The following AADAT variants were observed in gnomAD, a reference collection of about 807,000 sequenced individuals.
AADAT encodes the protein aminoadipate aminotransferase, also known as kynurenine/alpha-aminoadipate aminotransferase, mitochondrial.
AADAT carries 25 observed loss-of-function variants against 56.2 expected under a neutral mutation model. The ratio of observed to expected loss-of-function variants is 0.44; its 90% confidence interval spans 0.32 to 0.62. The LOEUF (loss-of-function observed/expected upper bound fraction) is 0.62. AADAT is among the 20% of genes least tolerant of loss of function. The pLI, the probability that AADAT is intolerant of heterozygous loss-of-function variation, is 0.04. For synonymous variants in AADAT, 173 were observed against 164.7 expected (o/e 1.05, Z -0.39); for missense variants, 387 against 510.5 (o/e 0.76, Z 2.33).
intron 1 of AADAT, 31 bp downstream of exon 1, chr4:170,089,593 C>G (rs1732735580): frequency 1.2e-6 from 2 of 1,613,656 alleles, no homozygotes; most frequent in Non-Finnish European, 1.7e-6. Flanking sequence ...ATGCCCCACC[C>G]CAAAGGAGAG....
At chr4:170,075,178 C>T (rs1425531051) in intron 4 of AADAT, among the ~76,000 whole-genome samples, 1 of 152,122 alleles carries the variant, frequency 6.6e-6, no homozygotes, top group Non-Finnish European at 1.5e-5. Context: ...TGTATATGCA[C>T]GCTTTATATG....
chr4:170,089,547 C>G, intron 1 of AADAT, 77 bp downstream of exon 1: 3 of 1,559,258 alleles, frequency 1.9e-6, no homozygotes, highest in African/African-American at 1.4e-5. Flanking sequence ...CAAGCGGTGG[C>G]TTGCTAGGGA....
At position 170,081,550 on chromosome 4, in the gene AADAT, G is replaced by C. The variant is rs72975161; in HGVS notation, c.370-2967C>G. On this transcript the variant is annotated intron_variant, in intron 3 of 12. Coordinates refer to ENST00000337664, the MANE Select transcript of AADAT (RefSeq NM_016228.4). The stretch of plus-strand genomic sequence containing the variant: ...GGCTAAGGACAAAGAGAAGATATGA[G>C]AAGCAACAAGACAAAAGAAGAAAAT... Among the ~76,000 whole-genome samples, 1,318 of 152,280 alleles carry C rather than the reference G, an allele frequency of 8.7e-3. 21 individuals are homozygous for C. Among genetic ancestry groups the C allele is most frequent in the African/African-American group, 0.029 (1,209 of 41,550 alleles).
chr4:170,063,828 TTTAA>T (rs1731313948), intron 11 of AADAT, among the ~76,000 whole-genome samples: 1 of 152,198 alleles, frequency 6.6e-6, no homozygotes, highest in South Asian at 2.1e-4. Context: ...TGCAAATGGC[TTTAA>T]TTAATGGAGA....
In AADAT at chr4:170,064,447, C is replaced by G. The variant is rs573664715; in HGVS notation, c.1134+272G>C. On this transcript the variant is annotated intron_variant, in intron 11 of 12. Coordinates refer to ENST00000337664, the MANE Select transcript of AADAT (RefSeq NM_016228.4). ...GGGTGGTGCTGGGATTCAAACCCAA[C>G]AGGTGTGGCTCCGGAGACTACCCTC... 2.6e-5 allele frequency among the ~76,000 whole-genome samples: 4 copies of G among 152,354 alleles called. No homozygotes were observed. In the South Asian group the frequency reaches 8.3e-4, roughly 32 times the overall value.
upstream of AADAT, among the ~76,000 whole-genome samples, chr4:170,092,314 C>T (rs977800059): frequency 2.6e-5 from 4 of 152,202 alleles, no homozygotes; most frequent in Admixed American, 6.5e-5. Context: ...CTCCTGAGGC[C>T]GTGGAGACCA....
At chr4:170,087,535 T>C (rs1254189518) in intron 2 of AADAT, among the ~76,000 whole-genome samples, 1 of 152,190 alleles carries the variant, frequency 6.6e-6, no homozygotes. Context: ...CTGAAGTCTT[T>C]AGCGCATGCG....
intron 6 of AADAT, among the ~76,000 whole-genome samples, chr4:170,069,442 A>G (rs1385383608): frequency 6.6e-6 from 1 of 152,202 alleles, no homozygotes; most frequent in African/African-American, 2.4e-5. Context: ...TTTCTGCCAA[A>G]AACACACACA....
chr4:170,089,424 C>T (rs553340339), intron 1 of AADAT, 200 bp downstream of exon 1: 1 of 629,430 alleles, frequency 1.6e-6, no homozygotes, highest in South Asian at 1.9e-5. Flanking sequence ...AGCAGAAATA[C>T]CCGCCTTCCG....
chr4:170,067,254 A>G, intron 9 of AADAT, 73 bp downstream of exon 9: 1 of 1,090,800 alleles, frequency 9.2e-7, no homozygotes, highest in South Asian at 1.4e-5. Context: ...ATAAATCAAT[A>G]CTGTAGGTGA....
intron 4 of AADAT, among the ~76,000 whole-genome samples, 166 bp from the exon 5 acceptor site, chr4:170,073,511 AT>A (rs547736204): frequency 8.7e-5 from 13 of 148,622 alleles, no homozygotes; most frequent in Admixed American, 1.3e-4. Flanking sequence ...ACATTTATTT[AT>A]TTTTTTTTTT....
At chr4:170,073,899 CAGTGGGCAACAAATTCGGGGCA>C (rs374308872) in intron 4 of AADAT, among the ~76,000 whole-genome samples, 2,888 of 152,268 alleles carry the variant, frequency 0.019, 96 homozygotes, top group African/African-American at 0.064. Flanking sequence ...ATGTGTCTTG[CAGTGGGCAACAAATTCGGGGCA>C]GAAGTGATGC....
chr4:170,080,992 A>G (rs77527081), intron 3 of AADAT, among the ~76,000 whole-genome samples: 4,985 of 152,320 alleles, frequency 0.033, 271 homozygotes, highest in African/African-American at 0.11. Flanking sequence ...GCAATTTGTC[A>G]GCTTTTTGAC....
intron 5 of AADAT, 98 bp from the exon 6 acceptor site, chr4:170,070,750 A>C: frequency 1.2e-6 from 1 of 849,924 alleles, no homozygotes; most frequent in African/African-American, 1.7e-5. Context: ...CTTTGTACTC[A>C]TTCAAGGAAC....
upstream of AADAT, among the ~76,000 whole-genome samples, chr4:170,093,187 G>T (rs2111230369): frequency 6.6e-6 from 1 of 152,242 alleles, no homozygotes; most frequent in South Asian, 2.1e-4. Context: ...CCAGCACTTT[G>T]GGAGGCCAAG....
chr4:170,070,992 A>G (rs184059248), intron 5 of AADAT, among the ~76,000 whole-genome samples: 1,600 of 152,312 alleles, frequency 0.011, 15 homozygotes, highest in Non-Finnish European at 0.018. Context: ...GGCTCACTGC[A>G]ACCTCTGCCT....
Position 170,060,360 on chromosome 4 carries a change from G to A in AADAT, c.*568C>T, listed in dbSNP as rs1731138465. On this transcript the variant is annotated 3_prime_UTR_variant, in exon 13 of 13. Transcript: ENST00000337664. ...AAGCTCTCATTAAATTTTCCTAAAA[G>A]TAGAAAAAGTACACATTATATACCA... 1 of 152,148 alleles carries A rather than the reference G, an allele frequency of 6.6e-6. No homozygotes were observed. The highest frequency in any genetic ancestry group is 2.4e-5 in the African/African-American group (1 of 41,444). 9.4% of individuals were successfully genotyped at this position (152,148 alleles called of 1,614,324 possible). A position where few individuals can be genotyped will look rare whatever the true frequency, so the allele number is the denominator to read the frequency against.
intron 11 of AADAT, among the ~76,000 whole-genome samples, chr4:170,064,350 G>A (rs945424600): frequency 1.7e-4 from 26 of 152,152 alleles, no homozygotes. Flanking sequence ...ATGAGAGAGG[G>A]ATTCTTATTA....
intron 4 of AADAT, 57 bp from the exon 5 acceptor site, chr4:170,073,402 G>T (rs1731868731): frequency 7.3e-7 from 1 of 1,377,454 alleles, no homozygotes; most frequent in Non-Finnish European, 9.5e-7. Flanking sequence ...AAGTGCTATT[G>T]GTTTTTTTTT....
Sources: gnomAD v4.1 joint callset for allele counts (sites outside exome capture counted in the v4.1 genomes callset) on GRCh38, gnomAD v4.1.1 for gene constraint, MANE v1.5 for transcripts, NCBI Gene and HGNC (gene_info 2026-07-23, HGNC 2026-07-21) for gene names.